Variants in IWS1 observed in about 807,000 individuals in gnomAD.
IWS1 encodes the protein protein IWS1 homolog.
Under a neutral mutation model 86.7 loss-of-function variants are expected in IWS1, and 27 were observed. The observed-to-expected ratio is 0.31, with a 90% CI of 0.23 to 0.43. The LOEUF (loss-of-function observed/expected upper bound fraction) is 0.43. Among genes scored for constraint, IWS1 ranks in the 20% least tolerant of loss-of-function variants. The pLI is 1.00. For missense variants in IWS1, 827 were observed against 1,000.8 expected, an observed-to-expected ratio of 0.83 and a Z score of 2.34; for synonymous variants, 313 against 335.1, an observed-to-expected ratio of 0.93 and a Z score of 0.72.
chr2:127,481,324 A>C (rs1307001566), intron 13 of IWS1, 149 bp from the exon 14 acceptor site: 1 of 620,444 alleles, frequency 1.6e-6, no homozygotes, highest in East Asian at 3.1e-5. Flanking sequence ...AGAACAACAA[A>C]GCAAGTATAG....
chr2:127,484,970 C>A (rs560928100), intron 13 of IWS1, among the ~76,000 whole-genome samples: 7 of 151,610 alleles, frequency 4.6e-5, no homozygotes, highest in Non-Finnish European at 8.8e-5. Flanking sequence ...GCACTCCAAC[C>A]TGGGCGACAG....
At chr2:127,484,063 G>T (rs981525847) in intron 13 of IWS1, among the ~76,000 whole-genome samples, 2 of 152,100 alleles carry the variant, frequency 1.3e-5, no homozygotes, top group African/African-American at 4.8e-5. Context: ...CAGCACTTTG[G>T]GAGGCCGAGG....
At chr2:127,510,038 A>G (rs1404140012) in intron 2 of IWS1, among the ~76,000 whole-genome samples, 1 of 152,230 alleles carries the variant, frequency 6.6e-6, no homozygotes, top group Admixed American at 6.5e-5. Context: ...ACTGGTGAGA[A>G]GTGTCAAACT....
chr2:127,509,460 G>A lies in IWS1; in HGVS notation c.151-3708C>T, dbSNP rs544010731. On this transcript the variant is annotated intron_variant, in intron 2 of 13. Transcript: ENST00000295321. ...GCAGTGGCTCACGCCTGTAATCCCAGCACTTTGGGAGGCCGAGGTGGGCAG... is the reference window on the plus strand; with the variant it reads ...GCAGTGGCTCACGCCTGTAATCCCAACACTTTGGGAGGCCGAGGTGGGCAG... 2.3e-3 allele frequency among the ~76,000 whole-genome samples: 345 copies of A among 152,212 alleles called. 5 individuals carry two copies. The highest frequency in any genetic ancestry group is 2.0e-3 in the Non-Finnish European group (135 of 68,012).
At chr2:127,502,741 A>T in intron 5 of IWS1, 74 bp downstream of exon 5, 1 of 744,518 alleles carries the variant, frequency 1.3e-6, no homozygotes, top group Non-Finnish European at 2.4e-6. Flanking sequence ...AGAATCATCT[A>T]TAATGGTATC....
chr2:127,485,611 G>C (rs1188518524), intron 13 of IWS1, among the ~76,000 whole-genome samples: 3 of 152,214 alleles, frequency 2.0e-5, no homozygotes, highest in East Asian at 1.9e-4. Flanking sequence ...CATAAAAACG[G>C]GTACCAGTCA....
chr2:127,523,839 C>T, intron 1 of IWS1, 48 bp from the exon 2 acceptor site: 3 of 1,256,666 alleles, frequency 2.4e-6, no homozygotes, highest in Non-Finnish European at 3.5e-6. Context: ...AGATGAATGA[C>T]ATCTACAGTG....
At chr2:127,518,821 C>T (rs1312497905) in intron 2 of IWS1, among the ~76,000 whole-genome samples, 8 of 152,024 alleles carry the variant, frequency 5.3e-5, no homozygotes, top group Non-Finnish European at 7.4e-5. Context: ...CCACCCACCT[C>T]GGCCTCCTAA....
At position 127,493,345 on chromosome 2, in the gene IWS1, G is replaced by A. The variant is rs771996408; in HGVS notation, c.1865C>T (p.Pro622Leu). The A allele has an allele frequency of 2.5e-6, 4 of 1,613,610 alleles. No individual in the cohort carries two copies. Among genetic ancestry groups the A allele is most frequent in the Admixed American group, 3.3e-5 (2 of 59,962 alleles). ...VMSAIKEWLS[P>L]LPDRSLPALK... ...TGCAGGCAAACTCCTATCTGGTAGA[G>A]GTGAGAGCCATTCTTTGATGGCAGA... The change falls in exon 9 of 14, where the codon CCT (proline) becomes CTT (leucine). Residue 622 changes from proline to leucine, a missense_variant. Pro to Leu is a moderately conservative substitution (Grantham distance 98). Coordinates refer to ENST00000295321, the MANE Select transcript of IWS1 (RefSeq NM_017969.3).
At chr2:127,503,031 C>T (rs1202360033) in intron 4 of IWS1, among the ~76,000 whole-genome samples, 159 bp from the exon 5 acceptor site, 3 of 152,094 alleles carry the variant, frequency 2.0e-5, no homozygotes, top group African/African-American at 4.8e-5. Flanking sequence ...TAACCAGCAC[C>T]CTATACACTC....
chr2:127,497,228 G>C (rs1690561857), intron 6 of IWS1, among the ~76,000 whole-genome samples: 1 of 152,138 alleles, frequency 6.6e-6, no homozygotes, highest in Non-Finnish European at 1.5e-5. Context: ...ATCGCTAATA[G>C]CCCGGAACTT....
rs1690897933 is a variant in IWS1, at chr2:127,502,958, C to T, written c.1410-86G>A. The T allele has an allele frequency of 1.4e-5, 11 of 764,326 alleles. No homozygotes were observed. The South Asian group carries it at 1.7e-4, about 12-fold the overall frequency. 47.3% of individuals were successfully genotyped at this position (764,326 alleles called of 1,614,324 possible). ...TTTTTTAAAAAATAGAATTTATGTACAGTAAAATGTGCAGATCTTCAGTGT... is the reference window on the plus strand; with the variant it reads ...TTTTTTAAAAAATAGAATTTATGTATAGTAAAATGTGCAGATCTTCAGTGT... On this transcript the variant is annotated intron_variant, in intron 4 of 13. Transcript: ENST00000295321.
At chr2:127,501,797 C>A (rs373246801) in intron 5 of IWS1, 2 of 151,836 alleles carry the variant, frequency 1.3e-5, no homozygotes, top group Non-Finnish European at 2.9e-5. Flanking sequence ...CCAGCTACCC[C>A]CAAGCCTCAG....
At chr2:127,495,947 A>G (rs769838359) in intron 7 of IWS1, 51 bp downstream of exon 7, 1 of 1,506,638 alleles carries the variant, frequency 6.6e-7, no homozygotes, top group Non-Finnish European at 8.9e-7. Context: ...AGGGCATCCA[A>G]TAAACTCAGT....
intron 5 of IWS1, among the ~76,000 whole-genome samples, chr2:127,500,461 T>C (rs937684752): frequency 5.3e-5 from 8 of 152,174 alleles, no homozygotes; most frequent in African/African-American, 1.4e-4. Context: ...TTTTTATCGA[T>C]ATAAAGTGAC....
At chr2:127,511,122 C>T (rs1691428107) in intron 2 of IWS1, 1 of 152,182 alleles carries the variant, frequency 6.6e-6, no homozygotes, top group African/African-American at 2.4e-5. Flanking sequence ...TGCCTAAAAA[C>T]TTGCCAAAAA....
intron 1 of IWS1, 68 bp downstream of exon 1, chr2:127,526,107 G>A: frequency 1.3e-6 from 2 of 1,488,480 alleles, no homozygotes; most frequent in Non-Finnish European, 1.8e-6. Context: ...CACCCGCGGG[G>A]TGCCAGGCCA....
At chr2:127,491,946 C>T in intron 10 of IWS1, 25 bp downstream of exon 10, 4 of 1,450,680 alleles carry the variant, frequency 2.8e-6, no homozygotes, top group Non-Finnish European at 3.9e-6. Flanking sequence ...ATAAACACAA[C>T]AAACAAAAAG....
Position 127,499,333 on chromosome 2 carries a change from G to A in IWS1, c.1468-1096C>T, listed in dbSNP as rs556738706. ...TCTCGATCTCCTGACCTTGTGAGCC[G>A]CCCACCTCGGCCTCCCAAAGTGCTG... On this transcript the variant is annotated intron_variant, in intron 5 of 13. Coordinates refer to ENST00000295321, the MANE Select transcript of IWS1 (RefSeq NM_017969.3). This position sits in a 1 kb window ranked among gnomAD's most constrained non-coding sequence, Gnocchi z 4.0. 2.6e-5 allele frequency among the ~76,000 whole-genome samples: 4 copies of A among 152,002 alleles called. No homozygotes were observed. Among genetic ancestry groups the A allele is most frequent in the Non-Finnish European group, 5.9e-5 (4 of 67,976 alleles).
Sources: allele counts gnomAD v4.1 joint callset (sites outside exome capture counted in the v4.1 genomes callset), GRCh38; gene constraint gnomAD v4.1.1; non-coding constraint Gnocchi (gnomAD v3.1); transcripts MANE v1.5; gene names NCBI Gene and HGNC (gene_info 2026-07-23, HGNC 2026-07-21).